SLC5A3: variants seen among roughly 807,000 people sequenced by gnomAD.
SLC5A3 encodes solute carrier family 5 member 3.
SLC5A3 carries 10 observed loss-of-function variants against 43.2 expected under a neutral mutation model. The ratio of observed to expected loss-of-function variants is 0.23; its 90% confidence interval spans 0.14 to 0.39. The LOEUF (loss-of-function observed/expected upper bound fraction) is 0.39, where lower values mean the gene tolerates loss of function less well. SLC5A3 is among the 10% of genes least tolerant of loss of function. SLC5A3 has a pLI of 1.00. For missense variants in SLC5A3, 608 were observed against 893.4 expected, an observed-to-expected ratio of 0.68 and a Z score of 4.07; for synonymous variants, 349 against 322.0, an observed-to-expected ratio of 1.08 and a Z score of -0.90.
chr21:34,103,668 C>T lies in SLC5A3; in HGVS notation c.*6313C>T. 3.0e-6 allele frequency: 3 copies of T among 1,000,074 alleles called. No individual in the cohort carries two copies. Among genetic ancestry groups the T allele is most frequent in the Non-Finnish European group, 3.6e-6 (3 of 829,930 alleles). 62.0% of individuals were successfully genotyped at this position (1,000,074 alleles called of 1,614,324 possible). On this transcript the variant is annotated 3_prime_UTR_variant, in exon 2 of 2. Transcript: ENST00000381151. ...CACAAGTGCCAGTCATAAAGGCCAC[C>T]AGGTATTTGTCTCAGAGTTGCTATG... is the stretch of plus-strand genomic sequence containing the variant.
rs1979060175 is a variant in SLC5A3, at chr21:34,098,180, C to T, written c.*825C>T. On this transcript the variant is annotated 3_prime_UTR_variant, in exon 2 of 2. Transcript: ENST00000381151. Reference sequence around the variant, plus strand: ...GTTGTTTATATAGTTTGGAAATGACCAGCCCCCTAAGCAGTGTTTGATTAA... The same window carrying T: ...GTTGTTTATATAGTTTGGAAATGACTAGCCCCCTAAGCAGTGTTTGATTAA... 1.0e-6 allele frequency: 1 copy of T among 999,566 alleles called. No homozygotes were observed. Among genetic ancestry groups the T allele is most frequent in the South Asian group, 4.7e-5 (1 of 21,278 alleles). 61.9% of individuals were successfully genotyped at this position (999,566 alleles called of 1,614,324 possible). A position where few individuals can be genotyped will look rare whatever the true frequency, so the allele number is the denominator to read the frequency against.
chr21:34,095,034 A>T lies in SLC5A3; in HGVS notation c.-165A>T. On this transcript the variant is annotated 5_prime_UTR_variant, in exon 2 of 2. Coordinates refer to ENST00000381151, the MANE Select transcript of SLC5A3 (RefSeq NM_006933.7). ...GTCTTCTTCAAAGTTTATCACAACC[A>T]CCACCATCAAGACAGCAAACCAAAG... The T allele has an allele frequency of 2.5e-6, 2 of 800,744 alleles. No homozygotes were observed. Among genetic ancestry groups the T allele is most frequent in the Non-Finnish European group, 3.7e-6 (2 of 538,932 alleles). The allele number at this position is 800,744 out of a possible 1,614,324, so 49.6% of individuals were successfully genotyped here. A position where few individuals can be genotyped will look rare whatever the true frequency, so the allele number is the denominator to read the frequency against.
At chr21:34,076,163 A>G (rs1263639039) in intron 1 of SLC5A3, among the ~76,000 whole-genome samples, 2 of 152,216 alleles carry the variant, frequency 1.3e-5, no homozygotes, top group Non-Finnish European at 2.9e-5. Flanking sequence ...TTAAGAAACT[A>G]TAGTTTTCCA....
rs867228946 is a variant in SLC5A3, at chr21:34,103,348, A to G, written c.*5993A>G. 9 of 997,460 alleles carry G rather than the reference A, an allele frequency of 9.0e-6. No homozygotes were observed. The highest frequency in any genetic ancestry group is 6.2e-5 in the Admixed American group (1 of 16,192). 61.8% of individuals were successfully genotyped at this position (997,460 alleles called of 1,614,324 possible). A position where few individuals can be genotyped will look rare whatever the true frequency, so the allele number is the denominator to read the frequency against. On this transcript the variant is annotated 3_prime_UTR_variant, in exon 2 of 2. Coordinates refer to ENST00000381151, the MANE Select transcript of SLC5A3 (RefSeq NM_006933.7). ...AAAAAAAAACATGCATTACATTGAC[A>G]TACTTTATGTGCAGCCTTTATTTAG... is the stretch of plus-strand genomic sequence containing the variant.
intron 1 of SLC5A3, among the ~76,000 whole-genome samples, chr21:34,086,323 A>G (rs1219964343): frequency 6.6e-6 from 1 of 152,184 alleles, no homozygotes; most frequent in Non-Finnish European, 1.5e-5. Flanking sequence ...TGGTGTGGGT[A>G]CAGATGTTAG....
At chr21:34,076,774 A>G (rs1442993727) in intron 1 of SLC5A3, among the ~76,000 whole-genome samples, 6 of 152,210 alleles carry the variant, frequency 3.9e-5, no homozygotes, top group African/African-American at 1.4e-4. Context: ...AATTTGAAAA[A>G]CCAGTTGTTT....
chr21:34,100,204 G>C lies in SLC5A3; in HGVS notation c.*2849G>C. On this transcript the variant is annotated 3_prime_UTR_variant, in exon 2 of 2. Transcript: ENST00000381151. The stretch of plus-strand genomic sequence containing the variant: ...TAGAGAAAAATAAATGTCTTACCAG[G>C]TGTTAATGGTATCCCCAGTTCTTAG... The C allele has an allele frequency of 2.0e-6, 2 of 1,000,220 alleles. No homozygotes were observed. Among genetic ancestry groups the C allele is most frequent in the Non-Finnish European group, 1.2e-6 (1 of 829,984 alleles). 62.0% of individuals were successfully genotyped at this position (1,000,220 alleles called of 1,614,324 possible). A position where few individuals can be genotyped will look rare whatever the true frequency, so the allele number is the denominator to read the frequency against.
chr21:34,077,224 A>G (rs1179390868), intron 1 of SLC5A3, among the ~76,000 whole-genome samples: 1 of 152,262 alleles, frequency 6.6e-6, no homozygotes, highest in African/African-American at 2.4e-5. Context: ...GTGCCAATAC[A>G]TGAATGGTAA....
In SLC5A3 at chr21:34,102,452, T is replaced by A. The variant is rs1387844968; in HGVS notation, c.*5097T>A. 4.0e-6 allele frequency: 4 copies of A among 1,000,024 alleles called. No homozygotes were observed. Among genetic ancestry groups the A allele is most frequent in the Non-Finnish European group, 4.8e-6 (4 of 829,888 alleles). 61.9% of individuals were successfully genotyped at this position (1,000,024 alleles called of 1,614,324 possible). Reference sequence around the variant, plus strand: ...TGTTTTGGGGTAAGCACCTAATTTATCCAGTAACCAACAACCCTAACCATT... The same window carrying A: ...TGTTTTGGGGTAAGCACCTAATTTAACCAGTAACCAACAACCCTAACCATT... On this transcript the variant is annotated 3_prime_UTR_variant, in exon 2 of 2. Transcript: ENST00000381151.
chr21:34,078,780 A>G (rs1248456215), intron 1 of SLC5A3, among the ~76,000 whole-genome samples: 1 of 152,218 alleles, frequency 6.6e-6, no homozygotes, highest in African/African-American at 2.4e-5. Flanking sequence ...ACAAATGATA[A>G]AATACTGTGT....
intron 1 of SLC5A3, among the ~76,000 whole-genome samples, chr21:34,084,480 T>C (rs1408989808): frequency 6.6e-6 from 1 of 152,020 alleles, no homozygotes; most frequent in Non-Finnish European, 1.5e-5. Context: ...GCTAGATGAG[T>C]TGATAATAAT....
rs1299687435 is a variant in SLC5A3 at position 34,073,578 on chromosome 21, G to A, written c.-504G>A. ...GCCCGGGCTCGCGCTCTCGGACCGT[G>A]CTTTCGCCGCCTGGGAGCCGTCCGG... On this transcript the variant is annotated 5_prime_UTR_variant, in exon 1 of 2. Coordinates refer to ENST00000381151, the MANE Select transcript of SLC5A3 (RefSeq NM_006933.7). The A allele has an allele frequency of 3.8e-6, 3 of 789,928 alleles. No individual in the cohort carries two copies. The highest frequency in any genetic ancestry group is 5.8e-6 in the Non-Finnish European group (3 of 515,200). 48.9% of individuals were successfully genotyped at this position (789,928 alleles called of 1,614,324 possible).
At chr21:34,092,415 C>A (rs542513214) in intron 1 of SLC5A3, among the ~76,000 whole-genome samples, 1 of 152,230 alleles carries the variant, frequency 6.6e-6, no homozygotes, top group Admixed American at 6.5e-5. Flanking sequence ...GGGAACTGTC[C>A]GCAGTGGCTT....
rs149914018 is a variant in SLC5A3, at chr21:34,096,833, C to A, written c.1635C>A (p.Thr545=). ...PPTKEQIRTT[T]FWSKKNLVVK... ...CAAAGGAACAGATTCGAACCACCAC[C>A]TTTTGGTCTAAGAAGAACCTGGTGG... Residue 545 remains threonine (T), a synonymous_variant, in exon 2 of 2, where the codon ACC becomes ACA. Coordinates refer to ENST00000381151, the MANE Select transcript of SLC5A3 (RefSeq NM_006933.7). The surrounding 1 kb of genome is among the most constrained non-coding windows in gnomAD (Gnocchi z 5.9). The A allele has an allele frequency of 4.3e-6, 7 of 1,614,042 alleles. No homozygotes were observed. Among genetic ancestry groups the A allele is most frequent in the Non-Finnish European group, 5.1e-6 (6 of 1,179,984 alleles).
chr21:34,074,819 A>G (rs1989286813), intron 1 of SLC5A3, among the ~76,000 whole-genome samples: 1 of 152,198 alleles, frequency 6.6e-6, no homozygotes, highest in East Asian at 1.9e-4. Flanking sequence ...GAGTATTACC[A>G]AGTTTGGTTG....
At chr21:34,075,495 T>G (rs1602897067) in intron 1 of SLC5A3, among the ~76,000 whole-genome samples, 1 of 152,122 alleles carries the variant, frequency 6.6e-6, no homozygotes, top group East Asian at 1.9e-4. Flanking sequence ...GTAATTTGGT[T>G]AAAATAATAA....
Position 34,105,498 on chromosome 21 carries a change from A to G in SLC5A3, c.*8143A>G. ...TAGTAATTTTGATATGTAAGTATTA[A>G]TGCATTTTTAAAAGATGTCTACATT... On this transcript the variant is annotated 3_prime_UTR_variant, in exon 2 of 2. Coordinates refer to ENST00000381151, the MANE Select transcript of SLC5A3 (RefSeq NM_006933.7). 2.0e-6 allele frequency: 2 copies of G among 999,970 alleles called. No individual in the cohort carries two copies. The highest frequency in any genetic ancestry group is 9.4e-5 in the South Asian group (2 of 21,274). The allele number at this position is 999,970 out of a possible 1,614,324, so 61.9% of individuals were successfully genotyped here. A position where few individuals can be genotyped will look rare whatever the true frequency, so the allele number is the denominator to read the frequency against.
At position 34,102,164 on chromosome 21, in the gene SLC5A3, C is replaced by T; in HGVS notation, c.*4809C>T. 1 of 999,982 alleles carries T rather than the reference C, an allele frequency of 1.0e-6. No individual in the cohort carries two copies. 61.9% of individuals were successfully genotyped at this position (999,982 alleles called of 1,614,324 possible). ...TGTCAGACTGTCCTTTGTTGGAATACTTTAGCTGTTCAGCTACTTTGACTC... is the reference window on the plus strand; with the variant it reads ...TGTCAGACTGTCCTTTGTTGGAATATTTTAGCTGTTCAGCTACTTTGACTC... On this transcript the variant is annotated 3_prime_UTR_variant, in exon 2 of 2. Coordinates refer to ENST00000381151, the MANE Select transcript of SLC5A3 (RefSeq NM_006933.7).
Position 34,095,585 on chromosome 21 carries a change from G to A in SLC5A3, c.387G>A (p.Leu129=). 1 of 1,613,766 alleles carries A rather than the reference G, an allele frequency of 6.2e-7. No homozygotes were observed. ...GGATTCAGGTCTATTTTGCAGCCTT[G>A]TCTCTGATTCTCTATATTTTCACCA... ...GHRIQVYFAA[L]SLILYIFTKL... is the part of the protein sequence containing the mutation. The change falls in exon 2 of 2, where the codon TTG becomes TTA. Residue 129 remains leucine (L), a synonymous_variant. Transcript: ENST00000381151.
Sources: gnomAD v4.1 joint callset for allele counts (sites outside exome capture counted in the v4.1 genomes callset) on GRCh38, gnomAD v4.1.1 for gene constraint, Gnocchi (gnomAD v3.1) non-coding constraint, MANE v1.5 for transcripts, NCBI Gene and HGNC (gene_info 2026-07-23, HGNC 2026-07-21) for gene names.